Variants in TMEM116 observed in about 807,000 individuals in gnomAD.
TMEM116 encodes transmembrane protein 116.
TMEM116 carries 38 observed loss-of-function variants against 44.3 expected under a neutral mutation model. The observed-to-expected ratio is 0.86, with a 90% CI of 0.66 to 1.12. TMEM116 has a LOEUF of 1.12. Ranked by LOEUF, TMEM116 falls within the 50% of genes most tolerant of loss-of-function variation. The pLI, the probability that TMEM116 is intolerant of heterozygous loss-of-function variation, is 0.00. For synonymous variants in TMEM116, 132 were observed against 144.8 expected, an observed-to-expected ratio of 0.91 and a Z score of 0.64; for missense variants, 354 against 401.7, an observed-to-expected ratio of 0.88 and a Z score of 1.01.
intron 4 of TMEM116, among the ~76,000 whole-genome samples, chr12:111,981,939 C>T (rs1310190973): frequency 6.6e-6 from 1 of 152,000 alleles, no homozygotes; most frequent in Non-Finnish European, 1.5e-5. Flanking sequence ...CACAGAAAGA[C>T]AAATACTGCA....
chr12:111,986,451 T>C (rs897420281), intron 4 of TMEM116, among the ~76,000 whole-genome samples: 4 of 152,084 alleles, frequency 2.6e-5, no homozygotes, highest in African/African-American at 4.8e-5. Flanking sequence ...AAATAAATCC[T>C]ACATATATAA....
intron 3 of TMEM116, among the ~76,000 whole-genome samples, chr12:111,992,261 A>G (rs1306062958): frequency 1.3e-5 from 2 of 150,524 alleles, no homozygotes; most frequent in Non-Finnish European, 3.0e-5. Context: ...CACAGGCAAC[A>G]TCTTCTACTT....
At chr12:111,950,171 A>G (rs1045975278) in intron 4 of TMEM116, among the ~76,000 whole-genome samples, 6 of 152,102 alleles carry the variant, frequency 3.9e-5, no homozygotes, top group Non-Finnish European at 7.4e-5. Flanking sequence ...ACCTTAAACT[A>G]AAGAAATTTT....
chr12:111,980,105 T>C (rs183249628), intron 4 of TMEM116, among the ~76,000 whole-genome samples: 1 of 152,366 alleles, frequency 6.6e-6, no homozygotes, highest in East Asian at 1.9e-4. Context: ...TGAAAACTTA[T>C]GTCCACACAA....
chr12:111,938,036 A>G, intron 6 of TMEM116, 125 bp downstream of exon 6: 2 of 512,242 alleles, frequency 3.9e-6, no homozygotes, highest in Non-Finnish European at 6.9e-6. Context: ...TGTTGTTTCT[A>G]AGTTAGGCTC....
intron 3 of TMEM116, chr12:111,993,928 T>C (rs902369200): frequency 1.5e-6 from 1 of 681,858 alleles, no homozygotes; most frequent in East Asian, 2.8e-5. Context: ...AATGTTTGTC[T>C]GTATCATTAT....
chr12:111,982,607 T>C (rs1331894648), intron 4 of TMEM116, among the ~76,000 whole-genome samples: 3 of 151,966 alleles, frequency 2.0e-5, no homozygotes. Flanking sequence ...GGCCAATGCA[T>C]ACAATTTTTA....
At chr12:111,994,612 T>A (rs2076826798) in intron 3 of TMEM116, among the ~76,000 whole-genome samples, 1 of 152,228 alleles carries the variant, frequency 6.6e-6, no homozygotes, top group African/African-American at 2.4e-5. Flanking sequence ...AACATCGGTA[T>A]GCATAAGTAC....
intron 1 of TMEM116, chr12:112,011,384 CCAAT>C (rs1485727278): frequency 6.6e-6 from 1 of 152,228 alleles, no homozygotes; most frequent in Non-Finnish European, 1.5e-5. Context: ...AAATTTATAT[CCAAT>C]CAAACTGGTT....
At chr12:111,938,702 C>G (rs1414415890) in intron 5 of TMEM116, among the ~76,000 whole-genome samples, 2 of 152,066 alleles carry the variant, frequency 1.3e-5, no homozygotes, top group African/African-American at 4.8e-5. Context: ...GTCAAATATG[C>G]CCTTTGGATA....
At chr12:111,964,155 T>G (rs1028549023) in intron 4 of TMEM116, among the ~76,000 whole-genome samples, 1 of 145,314 alleles carries the variant, frequency 6.9e-6, no homozygotes, top group Non-Finnish European at 1.5e-5. Context: ...AAAAAAAAAG[T>G]AAAGGCTGGG....
Position 111,936,830 on chromosome 12 carries a change from C to T in TMEM116, c.450G>A (p.Lys150=). 1 of 1,589,314 alleles carries T rather than the reference C, an allele frequency of 6.3e-7. No homozygotes were observed. The highest frequency in any genetic ancestry group is 8.5e-7 in the Non-Finnish European group (1 of 1,169,806). ...ECFQNFSQSH[K]CILMHSPPSA... is the part of the protein sequence containing the mutation. ...ATGGTGGTGAGTGCATCAAGATACACCTAGGAAGAAAATCAATAAACAGGA... is the reference window on the plus strand; with the variant it reads ...ATGGTGGTGAGTGCATCAAGATACATCTAGGAAGAAAATCAATAAACAGGA... Residue 150 remains lysine, a splice_region_variant and synonymous_variant, in exon 8 of 11, where the codon AAG becomes AAA. Transcript: ENST00000552374.
intron 8 of TMEM116, chr12:111,935,277 A>G (rs1175856763): frequency 6.6e-6 from 1 of 152,018 alleles, no homozygotes; most frequent in Non-Finnish European, 1.5e-5. Context: ...TTTGTATTTT[A>G]GTAGAGATAG....
At chr12:111,934,178 CT>C (rs1030398641) in intron 8 of TMEM116, 148 bp from the exon 9 acceptor site, 84 of 988,014 alleles carry the variant, frequency 8.5e-5, no homozygotes, top group East Asian at 2.0e-4. Flanking sequence ...TGAGATCAGG[CT>C]TTTTTTTAAG....
intron 4 of TMEM116, among the ~76,000 whole-genome samples, chr12:111,989,343 G>A (rs941297053): frequency 2.6e-5 from 4 of 152,226 alleles, no homozygotes; most frequent in Non-Finnish European, 5.9e-5. Context: ...GGAAAGTATG[G>A]AGGGAATTCT....
intron 9 of TMEM116, 71 bp from the exon 10 acceptor site, chr12:111,932,730 G>A (rs975079599): frequency 4.2e-6 from 5 of 1,179,936 alleles, no homozygotes; most frequent in South Asian, 3.7e-5. Context: ...CTCCACACAC[G>A]TCTGAGCATT....
chr12:111,937,624 C>A (rs775399495), intron 6 of TMEM116, among the ~76,000 whole-genome samples: 1 of 152,130 alleles, frequency 6.6e-6, no homozygotes, highest in African/African-American at 2.4e-5. Context: ...TTCTCATCAG[C>A]CCCTTCTTGG....
intron 4 of TMEM116, among the ~76,000 whole-genome samples, chr12:111,952,303 G>C (rs1462043275): frequency 6.6e-6 from 1 of 152,058 alleles, no homozygotes; most frequent in Non-Finnish European, 1.5e-5. Context: ...AATCAACCCA[G>C]TCATAAAATG....
rs998063337 is a variant in TMEM116, at chr12:111,937,989, A to G, written c.365+172T>C. 13 of 431,252 alleles carry G rather than the reference A, an allele frequency of 3.0e-5. No individual in the cohort carries two copies. The Admixed American group carries it at 5.3e-4, about 18-fold the overall frequency. The allele number at this position is 431,252 out of a possible 1,614,324, so 26.7% of individuals were successfully genotyped here. A position where few individuals can be genotyped will look rare whatever the true frequency, so the allele number is the denominator to read the frequency against. ...ATCTATAACATCAAGCTACTTCCCT[A>G]TTCAATGTGGAAAAATGGAAGCAAT... is the stretch of plus-strand genomic sequence containing the variant. On this transcript the variant is annotated intron_variant, in intron 6 of 10. Coordinates refer to ENST00000552374, the MANE Select transcript of TMEM116 (RefSeq NM_001193531.2).
Sources: allele counts gnomAD v4.1 joint callset (sites outside exome capture counted in the v4.1 genomes callset), GRCh38; gene constraint gnomAD v4.1.1; transcripts MANE v1.5; gene names NCBI Gene and HGNC (gene_info 2026-07-23, HGNC 2026-07-21).